Variants in RYR2 observed in about 807,000 individuals in gnomAD.
RYR2 encodes cardiac muscle ryanodine receptor-calcium release channel.
In RYR2, 227 loss-of-function variants were observed where a neutral mutation model predicts 601.1. The observed-to-expected ratio is 0.38, with a 90% CI of 0.34 to 0.42. RYR2 has a LOEUF of 0.42. RYR2 is among the 10% of genes least tolerant of loss of function. RYR2 has a pLI of 1.00. For synonymous variants in RYR2, 2,223 were observed against 2,175.1 expected, an observed-to-expected ratio of 1.02 and a Z score of -0.61; for missense variants, 4,646 against 6,156.5, an observed-to-expected ratio of 0.75 and a Z score of 8.21.
chr1:237,348,222 G>A (rs1351429429), intron 3 of RYR2, among the ~76,000 whole-genome samples: 1 of 152,152 alleles, frequency 6.6e-6, no homozygotes, highest in Non-Finnish European at 1.5e-5. Context: ...CTGGGCTCAA[G>A]CAATCCTCTC....
chr1:237,377,499 C>A, intron 8 of RYR2, 64 bp downstream of exon 8: 5 of 1,221,620 alleles, frequency 4.1e-6, no homozygotes, highest in Non-Finnish European at 4.8e-6. Flanking sequence ...ATAAAATGAT[C>A]TCTTTAAGGT....
intron 63 of RYR2, among the ~76,000 whole-genome samples, chr1:237,696,106 C>T (rs1026149804): frequency 3.3e-5 from 5 of 152,144 alleles, no homozygotes; most frequent in African/African-American, 1.2e-4. Flanking sequence ...CCCAGCCTGC[C>T]AGGCTTATAT....
At chr1:237,293,319 G>A (rs909918137) in intron 2 of RYR2, among the ~76,000 whole-genome samples, 16 of 152,180 alleles carry the variant, frequency 1.1e-4, no homozygotes, top group African/African-American at 3.6e-4. Context: ...CGATTCTCAT[G>A]TCTCAGCCTC....
chr1:237,092,348 T>G (rs1381852356), intron 1 of RYR2, among the ~76,000 whole-genome samples: 3 of 152,138 alleles, frequency 2.0e-5, no homozygotes. Flanking sequence ...AGAGTGTTTG[T>G]TTCCTTGAAG....
intron 43 of RYR2, 81 bp downstream of exon 43, chr1:237,633,791 A>C (rs1421719310): frequency 1.0e-5 from 14 of 1,363,736 alleles, no homozygotes; most frequent in Non-Finnish European, 1.1e-5. Context: ...TTGTTAAAAA[A>C]TGTGCAATGG....
chr1:237,667,840 CT>C, intron 57 of RYR2, 42 bp from the exon 58 acceptor site: 2 of 1,415,628 alleles, frequency 1.4e-6, no homozygotes, highest in Admixed American at 2.1e-5. Flanking sequence ...CAATATTATC[CT>C]TTTTTACTTA....
At chr1:237,150,566 A>G (rs796486987) in intron 1 of RYR2, among the ~76,000 whole-genome samples, 8 of 152,354 alleles carry the variant, frequency 5.3e-5, no homozygotes, top group African/African-American at 1.9e-4. Flanking sequence ...AATGACAACA[A>G]CAACAACAAA....
intron 2 of RYR2, among the ~76,000 whole-genome samples, chr1:237,313,980 A>G (rs1237628414): frequency 7.9e-6 from 1 of 126,330 alleles, no homozygotes; most frequent in African/African-American, 3.0e-5. Context: ...TTTTTGAAAG[A>G]TTACATGAAT....
chr1:237,123,984 A>G (rs1277350743), intron 1 of RYR2, among the ~76,000 whole-genome samples: 1 of 152,218 alleles, frequency 6.6e-6, no homozygotes, highest in East Asian at 1.9e-4. Flanking sequence ...GTTTAATGCT[A>G]TAGCTGTCTC....
intron 1 of RYR2, among the ~76,000 whole-genome samples, chr1:237,128,438 C>T: frequency 6.6e-6 from 1 of 152,132 alleles, no homozygotes; most frequent in East Asian, 1.9e-4. Flanking sequence ...TTTTAAATCC[C>T]TTCAGAAAGT....
rs1394250066 is a variant in RYR2, at chr1:237,388,191, C to G, written c.773+8C>G. ...TGGTGAAGAGCAGCGGAGGTTAGTA[C>G]CTGAGCTCATTGCATTGAGACTTGC... On this transcript the variant is annotated splice_region_variant and intron_variant, in intron 10 of 104. Coordinates refer to ENST00000366574, the MANE Select transcript of RYR2 (RefSeq NM_001035.3). The G allele has an allele frequency of 6.2e-7, 1 of 1,611,010 alleles. No individual in the cohort carries two copies. The highest frequency in any genetic ancestry group is 1.7e-5 in the Admixed American group (1 of 59,842).
intron 2 of RYR2, among the ~76,000 whole-genome samples, chr1:237,309,147 A>G (rs893920785): frequency 1.3e-5 from 2 of 150,228 alleles, no homozygotes. Flanking sequence ...TCCCCACTAG[A>G]TTAGCTAGAC....
chr1:237,703,002 A>G (rs1168474622), intron 66 of RYR2, among the ~76,000 whole-genome samples: 1 of 151,980 alleles, frequency 6.6e-6, no homozygotes, highest in Non-Finnish European at 1.5e-5. Flanking sequence ...TTAAGGAAGT[A>G]TAATAATTTA....
At chr1:237,619,651 A>G (rs993716398) in intron 38 of RYR2, among the ~76,000 whole-genome samples, 11 of 151,708 alleles carry the variant, frequency 7.3e-5, no homozygotes, top group African/African-American at 2.7e-4. Context: ...GGATAAACAT[A>G]AATCTTTACC....
At chr1:237,499,457 T>C (rs1246936772) in intron 20 of RYR2, among the ~76,000 whole-genome samples, 1 of 152,164 alleles carries the variant, frequency 6.6e-6, no homozygotes, top group Non-Finnish European at 1.5e-5. Context: ...TCCCTCCAAG[T>C]GAAAAATATA....
intron 1 of RYR2, among the ~76,000 whole-genome samples, chr1:237,148,553 T>TATATATATATATATAC (rs71178397): frequency 2.3e-3 from 244 of 105,192 alleles, no homozygotes; most frequent in East Asian, 6.2e-3. Flanking sequence ...TATATATATA[T>TATATATATATATATAC]ACACACACAC....
At chr1:237,693,913 C>CAGA (rs1165958959) in intron 63 of RYR2, among the ~76,000 whole-genome samples, 1 of 152,132 alleles carries the variant, frequency 6.6e-6, no homozygotes, top group Admixed American at 6.6e-5. Context: ...TGTCTTATCT[C>CAGA]AGAAGTTATT....
At chr1:237,468,966 A>G in intron 16 of RYR2, 126 bp from the exon 17 acceptor site, 1 of 671,708 alleles carries the variant, frequency 1.5e-6, no homozygotes, top group Non-Finnish European at 2.6e-6. Flanking sequence ...GTATGTTTGC[A>G]TAAGTTTTTA....
At chr1:237,350,257 A>G (rs1252025751) in intron 3 of RYR2, among the ~76,000 whole-genome samples, 1 of 152,040 alleles carries the variant, frequency 6.6e-6, no homozygotes, top group Non-Finnish European at 1.5e-5. Flanking sequence ...TTGAATCTAA[A>G]GAAAGCTGGT....
Sources: allele counts gnomAD v4.1 joint callset (sites outside exome capture counted in the v4.1 genomes callset), GRCh38; gene constraint gnomAD v4.1.1; transcripts MANE v1.5; gene names NCBI Gene and HGNC (gene_info 2026-07-23, HGNC 2026-07-21).